Variants in LRRC37A2 observed in about 807,000 individuals in gnomAD.
LRRC37A2 encodes the protein leucine rich repeat containing 37 member A2.
In LRRC37A2, 9 loss-of-function variants were observed where a neutral mutation model predicts 68.8. The ratio of observed to expected loss-of-function variants is 0.13; its 90% CI spans 0.08 to 0.23. The LOEUF is 0.23. Among genes scored for constraint, LRRC37A2 ranks in the 10% least tolerant of loss-of-function variants. The probability of loss-of-function intolerance (pLI) is 1.00; values close to 1 mark genes in which losing one functional copy is unlikely to be tolerated. For synonymous variants in LRRC37A2, 63 were observed against 367.6 expected (o/e 0.17, Z 9.48); for missense variants, 168 against 950.4 (o/e 0.18, Z 10.82).
the LRRC37A2 span, among the ~76,000 whole-genome samples, chr17:46,688,337 C>G: frequency 6.7e-6 from 1 of 149,308 alleles, no homozygotes; most frequent in Non-Finnish European, 1.5e-5. Context: ...ATAGTGAGAC[C>G]TTATCTCTAA....
the LRRC37A2 span, among the ~76,000 whole-genome samples, chr17:46,449,755 CTTTTTT>C: frequency 1.6e-4 from 14 of 88,706 alleles, 1 homozygote; most frequent in East Asian, 3.6e-3. Flanking sequence ...GTTTGATTTT[CTTTTTT>C]TTTTTTTTTT....
chr17:46,876,840 A>C, the LRRC37A2 span: 8 of 1,434,572 alleles, frequency 5.6e-6, no homozygotes, highest in South Asian at 1.5e-5. Flanking sequence ...ATGTGTGCCA[A>C]TGCACACGAG....
At chr17:46,802,550 G>A in the LRRC37A2 span, among the ~76,000 whole-genome samples, 2 of 152,174 alleles carry the variant, frequency 1.3e-5, no homozygotes, top group African/African-American at 4.8e-5. Flanking sequence ...TTACAGGTGT[G>A]AGCCACCGTG....
intron 3 of LRRC37A2, among the ~76,000 whole-genome samples, chr17:46,519,434 G>GA (rs1256263007): frequency 7.8e-6 from 1 of 128,624 alleles, no homozygotes; most frequent in Non-Finnish European, 1.6e-5. Flanking sequence ...TTAAAAACAA[G>GA]AAAATTATTA....
At chr17:46,905,697 A>C in the LRRC37A2 span, among the ~76,000 whole-genome samples, 1 of 152,140 alleles carries the variant, frequency 6.6e-6, no homozygotes. Context: ...ATCAGATGGT[A>C]TGGACGTGCA....
the LRRC37A2 span, among the ~76,000 whole-genome samples, chr17:46,989,058 T>C: frequency 1.3e-5 from 2 of 152,190 alleles, no homozygotes; most frequent in Admixed American, 1.3e-4. Context: ...AGTTTAGCAA[T>C]GCCAACCCCT....
the LRRC37A2 span, among the ~76,000 whole-genome samples, chr17:46,707,722 T>A: frequency 6.6e-6 from 1 of 152,066 alleles, no homozygotes; most frequent in Non-Finnish European, 1.5e-5. Flanking sequence ...TTCTTCCTTT[T>A]TAAGGCTGGA....
At chr17:46,912,681 A>G in the LRRC37A2 span, among the ~76,000 whole-genome samples, 1 of 152,120 alleles carries the variant, frequency 6.6e-6, no homozygotes, top group Admixed American at 6.5e-5. Context: ...CTGAATTCAG[A>G]AGTGCCACCC....
the LRRC37A2 span, among the ~76,000 whole-genome samples, chr17:46,848,842 C>CTG: frequency 2.8e-4 from 43 of 152,274 alleles, no homozygotes; most frequent in African/African-American, 1.0e-3. Flanking sequence ...GTTTTTTCAT[C>CTG]TGTGCAATGG....
the LRRC37A2 span, among the ~76,000 whole-genome samples, chr17:46,843,413 G>T: frequency 6.6e-6 from 1 of 151,920 alleles, no homozygotes; most frequent in South Asian, 2.1e-4. Flanking sequence ...TATTCCATTC[G>T]TTAAAGTGAA....
At chr17:47,018,085 C>A in the LRRC37A2 span, 1 of 1,519,204 alleles carries the variant, frequency 6.6e-7, no homozygotes, top group African/African-American at 1.4e-5. Flanking sequence ...CCCAACATTA[C>A]AGTTAAACCT....
the LRRC37A2 span, chr17:46,941,062 C>T: frequency 1.9e-6 from 2 of 1,079,362 alleles, no homozygotes; most frequent in Non-Finnish European, 2.3e-6. Context: ...CGGTAGCCAG[C>T]CTCTGTGACC....
chr17:46,834,188 C>T, the LRRC37A2 span, among the ~76,000 whole-genome samples: 1 of 152,096 alleles, frequency 6.6e-6, no homozygotes, highest in Admixed American at 6.6e-5. Flanking sequence ...GAGTGAGACC[C>T]TGTTTCAAAA....
At chr17:46,875,515 A>T in the LRRC37A2 span, 29 of 1,160,332 alleles carry the variant, frequency 2.5e-5, no homozygotes, top group Non-Finnish European at 3.3e-5. Flanking sequence ...GTCTTCAACC[A>T]GCATTCCCTT....
chr17:46,790,895 T>C, the LRRC37A2 span, among the ~76,000 whole-genome samples: 3 of 152,252 alleles, frequency 2.0e-5, no homozygotes, highest in East Asian at 1.9e-4. Context: ...GGATAAAAGA[T>C]GTGTTTCAAA....
At chr17:46,933,624 G>A in the LRRC37A2 span, 2 of 101,724 alleles carry the variant, frequency 2.0e-5, no homozygotes, top group Non-Finnish European at 3.8e-5. Flanking sequence ...AGAAACAGTG[G>A]CATAACCTTT....
At chr17:46,877,420 C>T in the LRRC37A2 span, among the ~76,000 whole-genome samples, 2 of 152,292 alleles carry the variant, frequency 1.3e-5, no homozygotes, top group South Asian at 2.1e-4. Flanking sequence ...ATTCTTGTCT[C>T]GAGAGCTGGG....
the LRRC37A2 span, chr17:47,024,601 C>T: frequency 1.0e-6 from 1 of 954,682 alleles, no homozygotes; most frequent in Non-Finnish European, 1.7e-6. Flanking sequence ...CAGCTTTCCT[C>T]CACATGCAGG....
intron 8 of LRRC37A2, among the ~76,000 whole-genome samples, chr17:46,543,311 C>T (rs1257384811): frequency 1.3e-5 from 2 of 150,442 alleles, no homozygotes; most frequent in Admixed American, 1.3e-4. Flanking sequence ...AAAAATTATT[C>T]TCAAGTATAC....
Sources: gnomAD v4.1 joint callset for allele counts (sites outside exome capture counted in the v4.1 genomes callset) on GRCh38, gnomAD v4.1.1 for gene constraint, MANE v1.5 for transcripts, NCBI Gene and HGNC (gene_info 2026-07-23, HGNC 2026-07-21) for gene names.